Variants in TCHP observed in about 807,000 individuals in gnomAD.
TCHP encodes trichoplein keratin filament binding.
A neutral mutation model predicts 88.7 loss-of-function variants in TCHP; 81 were observed. That is an observed-to-expected ratio of 0.91 (90% CI 0.76 to 1.10). The LOEUF is 1.10. Ranked by LOEUF, TCHP falls within the 50% of genes least tolerant of loss-of-function variation. The pLI is 0.00. For synonymous variants in TCHP, 232 were observed against 232.5 expected (o/e 1.00, Z 0.02); for missense variants, 641 against 632.1 (o/e 1.01, Z -0.15).
intron 11 of TCHP, 30 bp downstream of exon 11, chr12:109,914,657 C>G: frequency 6.3e-7 from 1 of 1,583,894 alleles, no homozygotes; most frequent in South Asian, 1.1e-5. Context: ...CGGGAGGCAC[C>G]GGGCCTGCCA....
chr12:109,910,127 A>G (rs771813862), intron 8 of TCHP, among the ~76,000 whole-genome samples: 1 of 152,234 alleles, frequency 6.6e-6, no homozygotes, highest in African/African-American at 2.4e-5. Context: ...CAACAGAGTG[A>G]GACTCTGTCT....
chr12:109,908,780 C>A, intron 7 of TCHP, 82 bp downstream of exon 7: 1 of 1,568,606 alleles, frequency 6.4e-7, no homozygotes, highest in Non-Finnish European at 8.7e-7. Context: ...TTGCTGAAAC[C>A]ATAAAGGAGA....
intron 11 of TCHP, 139 bp from the exon 12 acceptor site, chr12:109,915,264 G>A (rs1325972080): frequency 1.3e-5 from 15 of 1,178,204 alleles, no homozygotes; most frequent in Middle Eastern, 2.8e-4. Context: ...GCTCCCTTCC[G>A]TTCCTTGGCA....
the TCHP span, chr12:109,887,723 C>T: frequency 2.0e-5 from 3 of 152,484 alleles, no homozygotes; most frequent in African/African-American, 4.8e-5. Context: ...TGGCCACCCC[C>T]TCCCCATGCA....
the TCHP span, chr12:109,888,583 G>A: frequency 3.3e-5 from 5 of 152,136 alleles, no homozygotes; most frequent in African/African-American, 9.7e-5. Flanking sequence ...TTCCCCCAGC[G>A]GTGTCTGTTG....
intron 6 of TCHP, 49 bp from the exon 7 acceptor site, chr12:109,908,537 T>G (rs370927030): frequency 9.6e-5 from 139 of 1,451,292 alleles, no homozygotes; most frequent in Middle Eastern, 1.7e-4. Flanking sequence ...GAAGATCTGA[T>G]TCCCACGATC....
chr12:109,915,776 G>A (rs1178201793), intron 12 of TCHP, among the ~76,000 whole-genome samples: 1 of 152,176 alleles, frequency 6.6e-6, no homozygotes, highest in Non-Finnish European at 1.5e-5. Context: ...ATTTTGCTCT[G>A]GCCTTGCCTA....
rs571656023 is a variant in TCHP at position 109,915,738 on chromosome 12, C to G, written c.1464+192C>G. 2.9e-4 allele frequency among the ~76,000 whole-genome samples: 44 copies of G among 152,328 alleles called. 1 individual carries two copies. The South Asian group carries it at 9.1e-3, about 32-fold the overall frequency. ...GCCCTGACACAGGGGCTGTTCCAGT[C>G]CTTGGTTGGGCCTCAAACCTTGAAG... On this transcript the variant is annotated intron_variant, in intron 12 of 12. Transcript: ENST00000405876.
chr12:109,906,703 C>T (rs1870151844), intron 5 of TCHP, 63 bp downstream of exon 5: 2 of 1,402,736 alleles, frequency 1.4e-6, no homozygotes, highest in Non-Finnish European at 1.0e-6. Context: ...CACGTCTTTG[C>T]ATTCGTTTAC....
Position 109,914,604 on chromosome 12 carries a change from A to G in TCHP, c.1297A>G (p.Arg433Gly). The change falls in exon 11 of 13, where the codon AGG becomes GGG. Residue 433 changes from arginine (R) to glycine (G), a missense_variant. Transcript: ENST00000405876. ...KEESEKLKSA[R>G]KQELEAQVAE... is the part of the protein sequence containing the mutation. ...GGAGAGTGAAAAGCTGAAATCGGCC[A>G]GGAAGCAGGAGCTGGAAGCCCAGGT... is the stretch of plus-strand genomic sequence containing the variant. The G allele has an allele frequency of 1.9e-6, 3 of 1,612,044 alleles. No individual in the cohort carries two copies. The highest frequency in any genetic ancestry group is 1.3e-5 in the African/African-American group (1 of 75,016).
chr12:109,912,655 G>A (rs1870570474), intron 9 of TCHP, among the ~76,000 whole-genome samples: 2 of 152,116 alleles, frequency 1.3e-5, no homozygotes, highest in African/African-American at 4.8e-5. Flanking sequence ...GCCAGACATG[G>A]TGGCACATGC....
chr12:109,908,455 G>A (rs1004216817), intron 6 of TCHP, 131 bp from the exon 7 acceptor site: 40 of 708,572 alleles, frequency 5.6e-5, no homozygotes, highest in African/African-American at 1.8e-5. Flanking sequence ...TGGTGGGAGG[G>A]GATCGTGACC....
rs1477888581 is a variant in TCHP, at chr12:109,907,552, C to T, written c.552C>T (p.Asn184=). The change falls in exon 6 of 13, where the codon AAC becomes AAT. Residue 184 remains asparagine (N), a synonymous_variant. Transcript: ENST00000405876. ...KQQEATAEQE[N]KRYENEYERA... is the part of the protein sequence containing the mutation. ...AAGAAGCCACCGCAGAGCAAGAGAA[C>T]AAACGGTATGAAAATGAATATGAAA... 1.2e-6 allele frequency: 2 copies of T among 1,613,988 alleles called. No homozygotes were observed. The highest frequency in any genetic ancestry group is 1.7e-6 in the Non-Finnish European group (2 of 1,180,032).
In TCHP at chr12:109,905,225, G is replaced by C. The variant is rs76917776; in HGVS notation, c.456+432G>C. 0.016 allele frequency among the ~76,000 whole-genome samples: 2,494 copies of C among 152,300 alleles called. 36 individuals are homozygous for C. The highest frequency in any genetic ancestry group is 0.053 in the South Asian group (253 of 4,818). ...ATGTATGTGTGTAGAGGTGAGGAAAGGATGTTCTAGGTTGATGTGACTGTG... is the reference window on the plus strand; with the variant it reads ...ATGTATGTGTGTAGAGGTGAGGAAACGATGTTCTAGGTTGATGTGACTGTG... On this transcript the variant is annotated intron_variant, in intron 4 of 12. Coordinates refer to ENST00000405876, the MANE Select transcript of TCHP (RefSeq NM_001143852.2). This position sits in a 1 kb window ranked among gnomAD's most constrained non-coding sequence, Gnocchi z 4.0.
At chr12:109,915,238 C>T (rs1372756840) in intron 11 of TCHP, 165 bp from the exon 12 acceptor site, 2 of 889,848 alleles carry the variant, frequency 2.2e-6, no homozygotes, top group African/African-American at 1.6e-5. Context: ...TGCATACAGC[C>T]TTTCAAGTCC....
At chr12:109,897,823 A>C (rs1869603334), upstream of TCHP, among the ~76,000 whole-genome samples, 1 of 152,028 alleles carries the variant, frequency 6.6e-6, no homozygotes, top group South Asian at 2.1e-4. Context: ...CTCCCAAAAT[A>C]CTAGGATTAC....
chr12:109,915,028 C>T (rs1028411839), intron 11 of TCHP: 1 of 421,056 alleles, frequency 2.4e-6, no homozygotes, highest in Non-Finnish European at 4.4e-6. Context: ...ATGAGGTACA[C>T]GCCACGCATA....
chr12:109,909,636 A>G (rs1255387725), intron 8 of TCHP, among the ~76,000 whole-genome samples: 1 of 152,054 alleles, frequency 6.6e-6, no homozygotes, highest in Non-Finnish European at 1.5e-5. Context: ...CCTGAATGAC[A>G]TGGTGAAACC....
the TCHP span, among the ~76,000 whole-genome samples, chr12:109,882,171 G>A: frequency 6.6e-6 from 1 of 152,148 alleles, no homozygotes; most frequent in South Asian, 2.1e-4. Context: ...CCTCTGAAGA[G>A]GTGATATTTG....
Sources: allele counts gnomAD v4.1 joint callset (sites outside exome capture counted in the v4.1 genomes callset), GRCh38; gene constraint gnomAD v4.1.1; non-coding constraint Gnocchi (gnomAD v3.1); transcripts MANE v1.5; gene names NCBI Gene and HGNC (gene_info 2026-07-23, HGNC 2026-07-21).